The following SNRNP48 variants were observed in gnomAD, a reference collection of about 807,000 sequenced individuals.
SNRNP48 encodes the protein small nuclear ribonucleoprotein U11/U12 subunit 48.
Under a neutral mutation model 47.0 loss-of-function variants are expected in SNRNP48, and 43 were observed. The ratio of observed to expected loss-of-function variants is 0.92; its 90% confidence interval spans 0.72 to 1.18. SNRNP48 has a LOEUF of 1.18. Among genes scored for constraint, SNRNP48 ranks in the 50% most tolerant of loss-of-function variants. The pLI is 0.00. For missense variants in SNRNP48, 396 were observed against 422.2 expected (o/e 0.94, Z 0.54); for synonymous variants, 138 against 144.0 (o/e 0.96, Z 0.30).
chr6:7,596,425 C>CG (rs1157762521), intron 4 of SNRNP48, among the ~76,000 whole-genome samples: 1 of 152,122 alleles, frequency 6.6e-6, no homozygotes, highest in Non-Finnish European at 1.5e-5. Context: ...GACAACTTAC[C>CG]TTTTTTTCCT....
At chr6:7,602,570 T>C (rs1760046984) in intron 5 of SNRNP48, 53 bp from the exon 6 acceptor site, 1 of 1,354,566 alleles carries the variant, frequency 7.4e-7, no homozygotes, top group Non-Finnish European at 9.9e-7. Context: ...TGATAATTCA[T>C]AGAATTTAAA....
At chr6:7,607,308 A>C (rs1008591531) in intron 8 of SNRNP48, among the ~76,000 whole-genome samples, 1 of 152,152 alleles carries the variant, frequency 6.6e-6, no homozygotes, top group Non-Finnish European at 1.5e-5. Flanking sequence ...ACAAAGTGAG[A>C]CCCTGTCTCA....
intron 6 of SNRNP48, among the ~76,000 whole-genome samples, chr6:7,605,109 AC>A (rs1323989982): frequency 6.6e-6 from 1 of 152,134 alleles, no homozygotes; most frequent in African/African-American, 2.4e-5. Context: ...ATACCTCATA[AC>A]CCTTTATCCC....
intron 8 of SNRNP48, 106 bp downstream of exon 8, chr6:7,606,301 C>T: frequency 1.7e-6 from 2 of 1,159,430 alleles, no homozygotes; most frequent in Non-Finnish European, 2.4e-6. Context: ...TAAGAATAAG[C>T]TAAAGTAAGG....
intron 6 of SNRNP48, among the ~76,000 whole-genome samples, chr6:7,604,913 T>G (rs956687352): frequency 6.6e-6 from 1 of 152,160 alleles, no homozygotes; most frequent in East Asian, 1.9e-4. Context: ...AATAGAGAGA[T>G]AAATTGCAAA....
In SNRNP48 at chr6:7,611,679, G is replaced by A. The variant is rs1219599428; in HGVS notation, c.*2806G>A. 1 of 152,162 alleles carries A rather than the reference G, an allele frequency of 6.6e-6. No individual in the cohort carries two copies. Among genetic ancestry groups the A allele is most frequent in the South Asian group, 2.1e-4 (1 of 4,826 alleles). 9.4% of individuals were successfully genotyped at this position (152,162 alleles called of 1,614,324 possible). A position where few individuals can be genotyped will look rare whatever the true frequency, so the allele number is the denominator to read the frequency against. On this transcript the variant is annotated 3_prime_UTR_variant, in exon 9 of 9. Transcript: ENST00000342415. Reference sequence around the variant, plus strand: ...CATTGAGAATATTTTCTAATTACCTGTGTATGCTACAGTACAGACATTAAT... The same window carrying A: ...CATTGAGAATATTTTCTAATTACCTATGTATGCTACAGTACAGACATTAAT...
chr6:7,607,185 G>A (rs968181963), intron 8 of SNRNP48, among the ~76,000 whole-genome samples: 1 of 152,178 alleles, frequency 6.6e-6, no homozygotes, highest in Non-Finnish European at 1.5e-5. Context: ...GGGTGTGGTG[G>A]TGCATACCTG....
rs889340628 is a variant in SNRNP48 at position 7,609,947 on chromosome 6, G to A, written c.*1074G>A. On this transcript the variant is annotated 3_prime_UTR_variant, in exon 9 of 9. Transcript: ENST00000342415. ...CTACCCCTAGCCCTAGGCAGCCACAGATTTGCTTTTGGTTACCGATTAGAT... is the reference window on the plus strand; with the variant it reads ...CTACCCCTAGCCCTAGGCAGCCACAAATTTGCTTTTGGTTACCGATTAGAT... 1 of 151,954 alleles carries A rather than the reference G, an allele frequency of 6.6e-6. No individual in the cohort carries two copies. The highest frequency in any genetic ancestry group is 1.5e-5 in the Non-Finnish European group (1 of 68,018). The allele number at this position is 151,954 out of a possible 1,614,324, so 9.4% of individuals were successfully genotyped here.
chr6:7,601,840 G>A (rs1760028126), intron 5 of SNRNP48, among the ~76,000 whole-genome samples: 1 of 151,922 alleles, frequency 6.6e-6, no homozygotes, highest in Non-Finnish European at 1.5e-5. Flanking sequence ...CATCGTATCA[G>A]GTTTTTGGTG....
chr6:7,606,098 T>A lies in SNRNP48; in HGVS notation c.874T>A (p.Cys292Ser). ...QSGGSYLDAECSRHRRDRSRS... is the reference protein window; with the variant it reads ...QSGGSYLDAESSRHRRDRSRS... Reference sequence around the variant, plus strand: ...TGGTGGAAGCTATTTGGATGCTGAGTGTTCACGACATAGAAGGGATAGGAG... The same window carrying A: ...TGGTGGAAGCTATTTGGATGCTGAGAGTTCACGACATAGAAGGGATAGGAG... Residue 292 changes from cysteine (C) to serine (S), a missense_variant, in exon 8 of 9, where the codon TGT becomes AGT. Physicochemically the swap from Cys to Ser is moderately radical, Grantham distance 112. Transcript: ENST00000342415. 1 of 1,613,648 alleles carries A rather than the reference T, an allele frequency of 6.2e-7. No individual in the cohort carries two copies. The highest frequency in any genetic ancestry group is 8.5e-7 in the Non-Finnish European group (1 of 1,179,896).
At chr6:7,595,307 C>G (rs765770515) in intron 4 of SNRNP48, among the ~76,000 whole-genome samples, 4 of 152,126 alleles carry the variant, frequency 2.6e-5, no homozygotes, top group Non-Finnish European at 4.4e-5. Context: ...CTCACTAAGA[C>G]ACTATCTTAG....
chr6:7,596,183 T>C (rs1249279322), intron 4 of SNRNP48, among the ~76,000 whole-genome samples: 2 of 152,110 alleles, frequency 1.3e-5, no homozygotes, highest in Non-Finnish European at 2.9e-5. Context: ...GAAGAATTGC[T>C]TGAACCCAGG....
Position 7,595,011 on chromosome 6 carries a change from T to TA in SNRNP48, c.332-16_332-15insA. On this transcript the variant is annotated splice_polypyrimidine_tract_variant and intron_variant, in intron 3 of 8. Transcript: ENST00000342415. ...ATGATTCATATTGTATTTATGGATT[T>TA]TTTTTTTTTTGACAGATAAGGACTC... 6.4e-7 allele frequency: 1 copy of TA among 1,567,822 alleles called. No homozygotes were observed. The highest frequency in any genetic ancestry group is 8.6e-7 in the Non-Finnish European group (1 of 1,158,944).
chr6:7,602,230 C>T (rs966279937), intron 5 of SNRNP48, among the ~76,000 whole-genome samples: 3 of 152,136 alleles, frequency 2.0e-5, no homozygotes, highest in South Asian at 2.1e-4. Flanking sequence ...ACAAATACTA[C>T]ACCATTTTAT....
chr6:7,607,707 G>A (rs1760157618), intron 8 of SNRNP48, among the ~76,000 whole-genome samples: 1 of 152,182 alleles, frequency 6.6e-6, no homozygotes. Flanking sequence ...CTGCTAGACT[G>A]TGAGCTCCAT....
intron 8 of SNRNP48, among the ~76,000 whole-genome samples, chr6:7,606,755 A>C (rs904173384): frequency 6.6e-6 from 1 of 152,182 alleles, no homozygotes; most frequent in African/African-American, 2.4e-5. Context: ...CTGGATCTCA[A>C]GTTCATCAGG....
At chr6:7,604,164 A>G (rs990930313) in intron 6 of SNRNP48, among the ~76,000 whole-genome samples, 13 of 152,238 alleles carry the variant, frequency 8.5e-5, no homozygotes, top group African/African-American at 2.7e-4. Flanking sequence ...AGGCGCTTAC[A>G]TAGAGCTGCT....
In SNRNP48 at chr6:7,605,494, A is replaced by G. The variant is rs774441639; in HGVS notation, c.806+8A>G. The G allele has an allele frequency of 4.4e-6, 7 of 1,608,830 alleles. No homozygotes were observed. The Admixed American group carries it at 8.3e-5, about 19-fold the overall frequency. ...AGAGGATGATGCCGAAAAGTACGTC[A>G]TTATCTTTATTGGTGAAAATACTCT... On this transcript the variant is annotated splice_region_variant and intron_variant, in intron 7 of 8. Transcript: ENST00000342415.
chr6:7,590,308 G>A lies in SNRNP48; in HGVS notation c.51G>A (p.Glu17=). The change falls in exon 1 of 9, where the codon GAG becomes GAA. Residue 17 remains glutamate (E), a synonymous_variant. Transcript: ENST00000342415. ...PVEERRRLQE[E]LNEFVESGCR... ...AGGAGCGGCGGCGGCTGCAGGAGGA[G>A]CTGAACGAGTTCGTGGAGAGCGGCT... is the stretch of plus-strand genomic sequence containing the variant. 4 of 1,396,276 alleles carry A rather than the reference G, an allele frequency of 2.9e-6. No individual in the cohort carries two copies. The highest frequency in any genetic ancestry group is 9.4e-7 in the Non-Finnish European group (1 of 1,061,052). The allele number at this position is 1,396,276 out of a possible 1,614,324, so 86.5% of individuals were successfully genotyped here. A position where few individuals can be genotyped will look rare whatever the true frequency, so the allele number is the denominator to read the frequency against.
Sources: allele counts gnomAD v4.1 joint callset (sites outside exome capture counted in the v4.1 genomes callset), GRCh38; gene constraint gnomAD v4.1.1; transcripts MANE v1.5; gene names NCBI Gene and HGNC (gene_info 2026-07-23, HGNC 2026-07-21).